The following STXBP6 variants were observed in gnomAD, a reference collection of about 807,000 sequenced individuals.
The protein encoded by STXBP6 is syntaxin-binding protein 6.
A neutral mutation model predicts 26.9 loss-of-function variants in STXBP6; 21 were observed. The ratio of observed to expected loss-of-function variants is 0.78; its 90% CI spans 0.55 to 1.12. STXBP6 has a LOEUF of 1.12. STXBP6 is among the 50% of genes most tolerant of loss of function. STXBP6 has a pLI of 0.00. For synonymous variants in STXBP6, 97 were observed against 92.6 expected (o/e 1.05, Z -0.27); for missense variants, 232 against 257.9 (o/e 0.90, Z 0.69).
chr14:24,844,691 A>G (rs2139055680), intron 4 of STXBP6, among the ~76,000 whole-genome samples: 1 of 152,376 alleles, frequency 6.6e-6, no homozygotes, highest in South Asian at 2.1e-4. Flanking sequence ...ACCCTAAGTG[A>G]TACAGAAAAT....
At chr14:24,845,441 C>G (rs993084262) in intron 4 of STXBP6, among the ~76,000 whole-genome samples, 2 of 152,106 alleles carry the variant, frequency 1.3e-5, no homozygotes, top group African/African-American at 4.8e-5. Flanking sequence ...AAGTAAGGAA[C>G]TTTTTGATAT....
chr14:24,966,769 A>C (rs1190336316), intron 2 of STXBP6, among the ~76,000 whole-genome samples: 1 of 152,216 alleles, frequency 6.6e-6, no homozygotes, highest in Non-Finnish European at 1.5e-5. Context: ...TGTCCCTGCC[A>C]GGAGTCTCTC....
intron 2 of STXBP6, among the ~76,000 whole-genome samples, chr14:24,932,039 AAGC>A (rs933180708): frequency 6.6e-5 from 10 of 152,248 alleles, no homozygotes; most frequent in Non-Finnish European, 1.3e-4. Context: ...TTCAAAAAAA[AAGC>A]AGTACTAGAT....
chr14:24,819,898 G>T (rs927535888), intron 4 of STXBP6, among the ~76,000 whole-genome samples: 4 of 152,058 alleles, frequency 2.6e-5, no homozygotes, highest in Non-Finnish European at 5.9e-5. Context: ...TACTTAACCA[G>T]CAGGTACAAA....
At chr14:24,864,453 G>A (rs1044562930) in intron 2 of STXBP6, among the ~76,000 whole-genome samples, 4 of 152,076 alleles carry the variant, frequency 2.6e-5, no homozygotes, top group African/African-American at 9.7e-5. Flanking sequence ...AGATGGAAGC[G>A]TTTCTGCAGC....
intron 4 of STXBP6, among the ~76,000 whole-genome samples, chr14:24,830,661 TCAAA>T (rs1405330652): frequency 1.3e-5 from 2 of 152,200 alleles, no homozygotes; most frequent in African/African-American, 4.8e-5. Context: ...AGTCAGTAAG[TCAAA>T]CAGATATTCC....
intron 2 of STXBP6, among the ~76,000 whole-genome samples, chr14:24,882,221 T>C (rs1446257035): frequency 1.3e-5 from 2 of 148,282 alleles, no homozygotes; most frequent in Admixed American, 6.7e-5. Flanking sequence ...CTACTAAAAA[T>C]ACAAAAAATT....
At chr14:24,897,409 C>CA (rs34542483) in intron 2 of STXBP6, among the ~76,000 whole-genome samples, 4,827 of 36,210 alleles carry the variant, frequency 0.13, 267 homozygotes, top group Non-Finnish European at 0.17. Flanking sequence ...GACTCTGTCT[C>CA]AAAAAAAAAA....
intron 1 of STXBP6, among the ~76,000 whole-genome samples, chr14:24,998,527 A>C (rs1221953737): frequency 6.6e-6 from 1 of 152,200 alleles, no homozygotes; most frequent in Non-Finnish European, 1.5e-5. Context: ...ATCAAATTAC[A>C]TGTTACTAGA....
intron 2 of STXBP6, among the ~76,000 whole-genome samples, chr14:24,905,241 G>C (rs1012804154): frequency 2.0e-5 from 3 of 152,176 alleles, no homozygotes; most frequent in African/African-American, 4.8e-5. Context: ...AATGTTAAGA[G>C]ACTTCAGTTC....
chr14:24,973,379 C>CT (rs1057437135), intron 2 of STXBP6, among the ~76,000 whole-genome samples: 4,782 of 76,766 alleles, frequency 0.062, 89 homozygotes, highest in East Asian at 0.17. Context: ...AGCTTTCTTC[C>CT]TTTTTTTTTT....
At chr14:24,957,428 A>G (rs963869009) in intron 2 of STXBP6, among the ~76,000 whole-genome samples, 1 of 152,220 alleles carries the variant, frequency 6.6e-6, no homozygotes, top group Non-Finnish European at 1.5e-5. Flanking sequence ...TCCTGGGACT[A>G]GAAACTCTCT....
intron 4 of STXBP6, among the ~76,000 whole-genome samples, chr14:24,832,549 T>G (rs2068487121): frequency 6.6e-6 from 1 of 152,202 alleles, no homozygotes; most frequent in Non-Finnish European, 1.5e-5. Context: ...TATTCATTAG[T>G]CATTCTATGG....
intron 5 of STXBP6, among the ~76,000 whole-genome samples, 199 bp downstream of exon 5, chr14:24,818,838 G>A (rs1273570140): frequency 1.3e-5 from 2 of 152,156 alleles, no homozygotes; most frequent in Non-Finnish European, 2.9e-5. Flanking sequence ...GAGGACATTA[G>A]AAAAGAGCCA....
At chr14:24,904,319 G>A (rs192207206) in intron 2 of STXBP6, among the ~76,000 whole-genome samples, 11 of 152,234 alleles carry the variant, frequency 7.2e-5, no homozygotes, top group East Asian at 1.9e-4. Flanking sequence ...CCCCATCTAC[G>A]TTGACAGGGA....
chr14:24,885,752 T>C (rs991715116), intron 2 of STXBP6, among the ~76,000 whole-genome samples: 2 of 152,234 alleles, frequency 1.3e-5, no homozygotes, highest in Non-Finnish European at 2.9e-5. Context: ...TCTATACTTT[T>C]AGGTTAAAAG....
In STXBP6 at chr14:25,030,321, A is replaced by G. The variant is rs186587674; in HGVS notation, c.-33+19557T>C. Among the ~76,000 whole-genome samples, 56 of 152,330 alleles carry G rather than the reference A, an allele frequency of 3.7e-4. 1 individual carries two copies. The highest frequency in any genetic ancestry group is 1.9e-3 in the Admixed American group (29 of 15,304). On this transcript the variant is annotated intron_variant, in intron 1 of 5. Coordinates refer to ENST00000323944, the MANE Select transcript of STXBP6 (RefSeq NM_001394410.1). Reference sequence around the variant, plus strand: ...GAGGGGAAAAGGCAGGGCCTGGGCCACTGAATGGGAAAAGGAAGCCAAGGT... The same window carrying G: ...GAGGGGAAAAGGCAGGGCCTGGGCCGCTGAATGGGAAAAGGAAGCCAAGGT...
intron 2 of STXBP6, among the ~76,000 whole-genome samples, chr14:24,945,928 CAA>C (rs1466436253): frequency 2.0e-5 from 3 of 152,178 alleles, no homozygotes; most frequent in African/African-American, 7.2e-5. Flanking sequence ...CGGTTGAACT[CAA>C]GAGAGTAGAA....
chr14:24,929,520 C>T (rs10162420), intron 2 of STXBP6, among the ~76,000 whole-genome samples: 37,294 of 152,114 alleles, frequency 0.25, 4,852 homozygotes, highest in African/African-American at 0.33. Context: ...TCCTAAAGGG[C>T]ATTCATGCCC....
Sources: allele counts gnomAD v4.1 joint callset (sites outside exome capture counted in the v4.1 genomes callset), GRCh38; gene constraint gnomAD v4.1.1; transcripts MANE v1.5; gene names NCBI Gene and HGNC (gene_info 2026-07-23, HGNC 2026-07-21).